SPAG16: variants seen among roughly 807,000 people sequenced by gnomAD.
SPAG16 encodes sperm associated antigen 16, also known as sperm-associated antigen 16 protein.
Under a neutral mutation model 80.4 loss-of-function variants are expected in SPAG16, and 86 were observed. The ratio of observed to expected loss-of-function variants is 1.07; its 90% CI spans 0.90 to 1.28. The LOEUF (loss-of-function observed/expected upper bound fraction) is 1.28, where lower values mean the gene tolerates loss of function less well. Ranked by LOEUF, SPAG16 falls within the 50% of genes most tolerant of loss-of-function variation. The probability of loss-of-function intolerance (pLI) is 0.00; values close to 1 mark genes in which losing one functional copy is unlikely to be tolerated. For missense variants in SPAG16, 870 were observed against 765.3 expected (o/e 1.14, Z -1.61); for synonymous variants, 294 against 265.9 (o/e 1.11, Z -1.03).
At chr2:213,385,340 A>G (rs1281532312) in intron 9 of SPAG16, among the ~76,000 whole-genome samples, 4 of 152,104 alleles carry the variant, frequency 2.6e-5, no homozygotes, top group Admixed American at 6.6e-5. Flanking sequence ...TTTCCTTTCT[A>G]GGGTGTTAAG....
intron 13 of SPAG16, among the ~76,000 whole-genome samples, chr2:214,059,753 T>A (rs1040189155): frequency 1.3e-5 from 2 of 152,096 alleles, no homozygotes; most frequent in Non-Finnish European, 2.9e-5. Flanking sequence ...GGTTATTTTT[T>A]TTTTTGCCAT....
chr2:213,356,486 G>A (rs970102834), intron 7 of SPAG16, among the ~76,000 whole-genome samples: 1 of 152,190 alleles, frequency 6.6e-6, no homozygotes, highest in Non-Finnish European at 1.5e-5. Flanking sequence ...GAGAGAGTGT[G>A]TGTCCAGGAA....
chr2:214,317,813 T>C (rs1180882576), intron 15 of SPAG16, among the ~76,000 whole-genome samples: 3 of 152,232 alleles, frequency 2.0e-5, no homozygotes, highest in Admixed American at 6.5e-5. Flanking sequence ...TCCAGTCACC[T>C]TCCCCAGTAT....
At chr2:213,526,224 A>G (rs1160293280) in intron 10 of SPAG16, among the ~76,000 whole-genome samples, 1 of 152,188 alleles carries the variant, frequency 6.6e-6, no homozygotes, top group Non-Finnish European at 1.5e-5. Flanking sequence ...ATCATAATGT[A>G]TCACTAATTC....
intron 15 of SPAG16, among the ~76,000 whole-genome samples, chr2:214,223,897 G>T (rs2058640646): frequency 6.6e-6 from 1 of 152,160 alleles, no homozygotes; most frequent in Non-Finnish European, 1.5e-5. Flanking sequence ...CATTGACCAA[G>T]GCTGACCAAA....
At chr2:213,652,551 G>A (rs918563260) in intron 10 of SPAG16, among the ~76,000 whole-genome samples, 2 of 151,938 alleles carry the variant, frequency 1.3e-5, no homozygotes, top group African/African-American at 4.8e-5. Flanking sequence ...TCCCTTGCGA[G>A]CATTTCATAT....
chr2:213,561,219 G>A (rs1244833985), intron 10 of SPAG16, among the ~76,000 whole-genome samples: 2 of 152,022 alleles, frequency 1.3e-5, no homozygotes, highest in African/African-American at 4.8e-5. Flanking sequence ...TATCTGATAT[G>A]CTAGTACTTT....
intron 14 of SPAG16, among the ~76,000 whole-genome samples, chr2:214,129,608 CAAAAT>C: frequency 6.6e-6 from 1 of 152,158 alleles, no homozygotes; most frequent in South Asian, 2.1e-4. Context: ...TCCTCCTATA[CAAAAT>C]AAAAGTTGGC....
intron 10 of SPAG16, among the ~76,000 whole-genome samples, chr2:213,713,436 A>G (rs1442638269): frequency 2.0e-5 from 3 of 152,214 alleles, no homozygotes; most frequent in Non-Finnish European, 4.4e-5. Context: ...AAGGGGCATT[A>G]TAAGTGTCCT....
intron 10 of SPAG16, among the ~76,000 whole-genome samples, chr2:213,521,454 G>A (rs2075663879): frequency 6.6e-6 from 1 of 152,152 alleles, no homozygotes. Flanking sequence ...AGACTTCCAG[G>A]ATGTTAGAGC....
chr2:214,375,827 G>A (rs1700092807), intron 15 of SPAG16, among the ~76,000 whole-genome samples: 1 of 152,130 alleles, frequency 6.6e-6, no homozygotes, highest in African/African-American at 2.4e-5. Context: ...ACTAAGCACA[G>A]TGGTTACCTC....
rs181836202 is a variant in SPAG16 at position 213,980,198 on chromosome 2, A to T, written c.1401-33753A>T. 6.4e-3 allele frequency among the ~76,000 whole-genome samples: 904 copies of T among 141,358 alleles called. 16 individuals are homozygous for T. The highest frequency in any genetic ancestry group is 0.022 in the African/African-American group (839 of 37,466). The allele number at this position is 141,358 out of a possible 152,430, so 92.7% of individuals were successfully genotyped here. On this transcript the variant is annotated intron_variant, in intron 12 of 15. Transcript: ENST00000331683. ...CGTCTCTACTAAAAATACAAATTTTATATATATATATAGAATATATGTGTG... is the reference window on the plus strand; with the variant it reads ...CGTCTCTACTAAAAATACAAATTTTTTATATATATATAGAATATATGTGTG...
chr2:213,979,187 T>C (rs2045568057), intron 12 of SPAG16, among the ~76,000 whole-genome samples: 1 of 151,966 alleles, frequency 6.6e-6, no homozygotes, highest in Admixed American at 6.6e-5. Context: ...TAGGAGTCTC[T>C]TGGAGGCTGA....
intron 12 of SPAG16, among the ~76,000 whole-genome samples, chr2:213,963,886 C>T (rs61276240): frequency 6.6e-6 from 1 of 152,202 alleles, no homozygotes; most frequent in East Asian, 1.9e-4. Flanking sequence ...TGTTTCCTTT[C>T]CCTATTCTTT....
intron 15 of SPAG16, among the ~76,000 whole-genome samples, chr2:214,338,093 T>G (rs1697422661): frequency 6.6e-6 from 1 of 152,210 alleles, no homozygotes; most frequent in South Asian, 2.1e-4. Flanking sequence ...GTTAGCTAAT[T>G]CTATTTGTAA....
intron 14 of SPAG16, among the ~76,000 whole-genome samples, chr2:214,137,425 A>T (rs1361160023): frequency 6.6e-6 from 1 of 152,064 alleles, no homozygotes; most frequent in Non-Finnish European, 1.5e-5. Context: ...AGTTTTATAT[A>T]TTTGTGTATA....
chr2:214,076,571 G>C (rs1226305881), intron 13 of SPAG16, among the ~76,000 whole-genome samples: 1 of 150,630 alleles, frequency 6.6e-6, no homozygotes, highest in Non-Finnish European at 1.5e-5. Context: ...GTGTGTTTGT[G>C]TTGAGAGAGT....
intron 10 of SPAG16, among the ~76,000 whole-genome samples, chr2:213,623,799 G>A (rs527822067): frequency 6.6e-6 from 1 of 152,070 alleles, no homozygotes; most frequent in South Asian, 2.1e-4. Flanking sequence ...ACATACCAGA[G>A]TAAACACCAA....
chr2:214,361,087 A>G (rs1047013295), intron 15 of SPAG16, among the ~76,000 whole-genome samples: 3 of 151,860 alleles, frequency 2.0e-5, no homozygotes, highest in East Asian at 1.9e-4. Context: ...AACTGAATAT[A>G]TTCTGGAGGA....
Sources: allele counts gnomAD v4.1 joint callset (sites outside exome capture counted in the v4.1 genomes callset), GRCh38; gene constraint gnomAD v4.1.1; transcripts MANE v1.5; gene names NCBI Gene and HGNC (gene_info 2026-07-23, HGNC 2026-07-21).